Variants in EXOC2 observed in about 807,000 individuals in gnomAD.
EXOC2 encodes exocyst complex component 2, also known as SEC5-like 1.
A neutral mutation model predicts 131.8 loss-of-function variants in EXOC2; 70 were observed. The observed-to-expected ratio is 0.53, with a 90% CI of 0.44 to 0.65. EXOC2 has a LOEUF of 0.65. Among genes scored for constraint, EXOC2 ranks in the 30% least tolerant of loss-of-function variants. The pLI is 0.00. For synonymous variants in EXOC2, 411 were observed against 398.4 expected (o/e 1.03, Z -0.38); for missense variants, 923 against 1,108.6 (o/e 0.83, Z 2.38).
At chr6:487,514 C>G (rs529047156) in intron 27 of EXOC2, among the ~76,000 whole-genome samples, 1 of 152,154 alleles carries the variant, frequency 6.6e-6, no homozygotes, top group African/African-American at 2.4e-5. Flanking sequence ...TCAAGCAATT[C>G]TCCTGCCTCA....
intron 1 of EXOC2, among the ~76,000 whole-genome samples, chr6:639,241 C>T (rs1341009090): frequency 1.3e-5 from 2 of 152,132 alleles, no homozygotes; most frequent in Admixed American, 6.5e-5. Flanking sequence ...TGCAGCAAAG[C>T]CGTGGGACTC....
At chr6:538,641 A>C (rs1766608814) in intron 22 of EXOC2, among the ~76,000 whole-genome samples, 1 of 152,160 alleles carries the variant, frequency 6.6e-6, no homozygotes, top group Non-Finnish European at 1.5e-5. Context: ...AAAAGATAAC[A>C]ATTTAATTGT....
intron 4 of EXOC2, among the ~76,000 whole-genome samples, chr6:623,909 T>C (rs964887685): frequency 6.6e-5 from 10 of 152,216 alleles, no homozygotes; most frequent in African/African-American, 2.2e-4. Context: ...ATGTGTTTTA[T>C]GCTAAGGGCA....
At chr6:592,656 A>G in intron 10 of EXOC2, 69 bp from the exon 11 acceptor site, 1 of 1,206,734 alleles carries the variant, frequency 8.3e-7, no homozygotes, top group Non-Finnish European at 1.2e-6. Flanking sequence ...TTACTTTTTA[A>G]AGGCTAAAAT....
At chr6:564,786 T>C (rs925356676) in intron 14 of EXOC2, 78 bp downstream of exon 14, 2 of 1,582,010 alleles carry the variant, frequency 1.3e-6, no homozygotes, top group Non-Finnish European at 1.7e-6. Flanking sequence ...TGGGCAGTAA[T>C]GGATGTCTTG....
chr6:685,938 G>A (rs9504752), intron 1 of EXOC2, among the ~76,000 whole-genome samples: 1 of 134,114 alleles, frequency 7.5e-6, no homozygotes, highest in African/African-American at 2.8e-5. Flanking sequence ...GAACAGGTAA[G>A]AAGTAATGTA....
chr6:662,060 G>A (rs1429852487), intron 1 of EXOC2, among the ~76,000 whole-genome samples: 1 of 151,994 alleles, frequency 6.6e-6, no homozygotes, highest in Non-Finnish European at 1.5e-5. Context: ...AGACAAAGAG[G>A]GACATTATGT....
chr6:529,099 G>A (rs1036505268), intron 23 of EXOC2, among the ~76,000 whole-genome samples: 1 of 134,234 alleles, frequency 7.4e-6, no homozygotes, highest in Non-Finnish European at 1.6e-5. Flanking sequence ...CCGTTAGCCC[G>A]GCATCGCCTG....
intron 22 of EXOC2, among the ~76,000 whole-genome samples, chr6:540,632 TGAG>T (rs1256119310): frequency 1.3e-5 from 2 of 151,274 alleles, no homozygotes; most frequent in African/African-American, 2.4e-5. Context: ...CAATTAAAGA[TGAG>T]GAGAATAAAA....
At chr6:560,383 G>A (rs1028965861) in intron 17 of EXOC2, among the ~76,000 whole-genome samples, 2 of 152,172 alleles carry the variant, frequency 1.3e-5, no homozygotes, top group Non-Finnish European at 2.9e-5. Context: ...AGTGCTGTCC[G>A]ATAGGTGTAT....
At chr6:532,819 C>G (rs1363606498) in intron 22 of EXOC2, among the ~76,000 whole-genome samples, 1 of 152,216 alleles carries the variant, frequency 6.6e-6, no homozygotes, top group Non-Finnish European at 1.5e-5. Flanking sequence ...ATATGGACTA[C>G]AGGTCATTGT....
In EXOC2 at chr6:506,372, T is replaced by C. The variant is rs1764539289; in HGVS notation, c.2381-6672A>G. ...AGTGGGCCATACAATGCCAAATGTATGGTGCACACAGTATTAGGGAGGGAT... is the reference window on the plus strand; with the variant it reads ...AGTGGGCCATACAATGCCAAATGTACGGTGCACACAGTATTAGGGAGGGAT... On this transcript the variant is annotated intron_variant, in intron 23 of 27. Coordinates refer to ENST00000230449, the MANE Select transcript of EXOC2 (RefSeq NM_018303.6). This position sits in a 1 kb window ranked among gnomAD's most constrained non-coding sequence, Gnocchi z 4.4. 2.0e-5 allele frequency among the ~76,000 whole-genome samples: 3 copies of C among 152,326 alleles called. No individual in the cohort carries two copies. The highest frequency in any genetic ancestry group is 4.8e-5 in the African/African-American group (2 of 41,578).
intron 4 of EXOC2, among the ~76,000 whole-genome samples, chr6:629,226 A>G (rs1233581187): frequency 6.6e-6 from 1 of 152,248 alleles, no homozygotes; most frequent in Admixed American, 6.5e-5. Flanking sequence ...CACTAAGGCC[A>G]GAAGATAAAT....
intron 1 of EXOC2, among the ~76,000 whole-genome samples, chr6:639,663 G>A (rs951530859): frequency 2.6e-5 from 4 of 152,176 alleles, no homozygotes; most frequent in South Asian, 2.1e-4. Flanking sequence ...TTGCTTGTCC[G>A]CCCATCACCT....
intron 1 of EXOC2, chr6:657,169 T>C (rs1763171820): frequency 1.3e-5 from 5 of 398,626 alleles, no homozygotes; most frequent in Middle Eastern, 6.3e-4. Context: ...TCACCTTCCC[T>C]CCAGCCCTCT....
intron 25 of EXOC2, among the ~76,000 whole-genome samples, chr6:495,189 G>A (rs539810098): frequency 1.9e-4 from 28 of 144,500 alleles, no homozygotes; most frequent in African/African-American, 5.9e-4. Flanking sequence ...GCAGTGGTGC[G>A]ATCTCGGCTC....
chr6:617,861 T>G, intron 5 of EXOC2, 26 bp from the exon 6 acceptor site: 1 of 1,607,838 alleles, frequency 6.2e-7, no homozygotes, highest in Non-Finnish European at 8.5e-7. Context: ...GAAACCAAAG[T>G]TTGACACTTC....
At chr6:546,820 A>G (rs535451447) in intron 22 of EXOC2, among the ~76,000 whole-genome samples, 1 of 152,382 alleles carries the variant, frequency 6.6e-6, no homozygotes, top group South Asian at 2.1e-4. Context: ...CTTCCAGCCA[A>G]CAGGAGGCTA....
intron 1 of EXOC2, among the ~76,000 whole-genome samples, chr6:645,954 A>T (rs1762562691): frequency 6.6e-6 from 1 of 152,234 alleles, no homozygotes; most frequent in Admixed American, 6.5e-5. Context: ...TGTCCAAACC[A>T]GACAATCTGA....
Sources: allele counts gnomAD v4.1 joint callset (sites outside exome capture counted in the v4.1 genomes callset), GRCh38; gene constraint gnomAD v4.1.1; non-coding constraint Gnocchi (gnomAD v3.1); transcripts MANE v1.5; gene names NCBI Gene and HGNC (gene_info 2026-07-23, HGNC 2026-07-21).